The following INPP4B variants were observed in gnomAD, a reference collection of about 807,000 sequenced individuals.
INPP4B encodes the protein inositol polyphosphate-4-phosphatase type II B.
A neutral mutation model predicts 122.5 loss-of-function variants in INPP4B; 55 were observed. The observed-to-expected ratio is 0.45, with a 90% confidence interval of 0.36 to 0.56. The LOEUF is 0.56. INPP4B is among the 20% of genes least tolerant of loss of function. The pLI, the probability that INPP4B is intolerant of heterozygous loss-of-function variation, is 0.00. For missense variants in INPP4B, 1,000 were observed against 1,097.7 expected (o/e 0.91, Z 1.26); for synonymous variants, 403 against 388.7 (o/e 1.04, Z -0.43).
intron 2 of INPP4B, among the ~76,000 whole-genome samples, chr4:142,625,559 A>C (rs1746157944): frequency 6.6e-6 from 1 of 152,104 alleles, no homozygotes; most frequent in Admixed American, 6.6e-5. Context: ...CATACTGCCC[A>C]AGGTAATTTA....
At chr4:142,090,099 A>T (rs907631033) in intron 23 of INPP4B, among the ~76,000 whole-genome samples, 8 of 152,160 alleles carry the variant, frequency 5.3e-5, no homozygotes, top group Non-Finnish European at 1.2e-4. Context: ...ATTTTGTTTC[A>T]TTATAGACAT....
chr4:142,317,457 A>T (rs1768159255), intron 7 of INPP4B: 8 of 292,928 alleles, frequency 2.7e-5, no homozygotes. Flanking sequence ...ATACGAAGGG[A>T]TATGTAAATC....
At chr4:142,809,979 G>A (rs1779302057) in intron 1 of INPP4B, among the ~76,000 whole-genome samples, 1 of 151,994 alleles carries the variant, frequency 6.6e-6, no homozygotes, top group Non-Finnish European at 1.5e-5. Flanking sequence ...ACACCAGCCT[G>A]GCCATCATCT....
chr4:142,830,358 T>TG (rs1348755979), intron 1 of INPP4B, among the ~76,000 whole-genome samples: 1 of 152,132 alleles, frequency 6.6e-6, no homozygotes, highest in Non-Finnish European at 1.5e-5. Flanking sequence ...TCTCTCTCTT[T>TG]TAGTGACCTT....
chr4:142,423,346 G>T (rs1807337826), intron 5 of INPP4B, among the ~76,000 whole-genome samples: 1 of 152,086 alleles, frequency 6.6e-6, no homozygotes, highest in South Asian at 2.1e-4. Context: ...TGTGCAGATT[G>T]TCAGTTGGGG....
At chr4:142,701,935 A>G (rs1761835084) in intron 2 of INPP4B, among the ~76,000 whole-genome samples, 8 of 152,238 alleles carry the variant, frequency 5.3e-5, no homozygotes, top group Admixed American at 5.2e-4. Context: ...TACTAGTACT[A>G]AAAATGTACT....
intron 1 of INPP4B, among the ~76,000 whole-genome samples, chr4:142,766,338 T>C (rs2150986322): frequency 6.6e-6 from 1 of 152,178 alleles, no homozygotes; most frequent in East Asian, 1.9e-4. Context: ...ATTAAATAAT[T>C]CGTTTATGGT....
chr4:142,376,057 A>G (rs1001112289), intron 7 of INPP4B, among the ~76,000 whole-genome samples: 3 of 152,044 alleles, frequency 2.0e-5, no homozygotes, highest in Non-Finnish European at 2.9e-5. Context: ...TGAAAATCAA[A>G]TTGATATAAA....
intron 1 of INPP4B, among the ~76,000 whole-genome samples, chr4:142,764,218 T>G (rs1464784247): frequency 6.6e-6 from 1 of 152,150 alleles, no homozygotes; most frequent in Non-Finnish European, 1.5e-5. Context: ...AATCTGTACT[T>G]CGTAAGTAAA....
At chr4:142,126,808 A>G (rs1798822035) in intron 18 of INPP4B, among the ~76,000 whole-genome samples, 1 of 152,156 alleles carries the variant, frequency 6.6e-6, no homozygotes, top group African/African-American at 2.4e-5. Context: ...GAGATACATC[A>G]ATAGATACCA....
chr4:142,529,745 C>T (rs76782784), intron 2 of INPP4B, among the ~76,000 whole-genome samples: 2,891 of 151,914 alleles, frequency 0.019, 45 homozygotes, highest in Middle Eastern at 0.048. Context: ...ATTTTTTTGA[C>T]CAGATAACCC....
chr4:142,599,286 T>C (rs1029489022), intron 2 of INPP4B, among the ~76,000 whole-genome samples: 18 of 152,116 alleles, frequency 1.2e-4, no homozygotes, highest in African/African-American at 4.3e-4. Flanking sequence ...CCATCCAATA[T>C]TAGCCCACTG....
At chr4:142,330,775 T>G (rs575092285) in intron 7 of INPP4B, among the ~76,000 whole-genome samples, 1 of 152,316 alleles carries the variant, frequency 6.6e-6, no homozygotes, top group African/African-American at 2.4e-5. Context: ...TCATTTATAA[T>G]GTATGTTTTG....
intron 18 of INPP4B, among the ~76,000 whole-genome samples, chr4:142,131,586 T>A (rs191651685): frequency 6.6e-6 from 1 of 152,346 alleles, no homozygotes; most frequent in East Asian, 1.9e-4. Flanking sequence ...TAGATTTAAC[T>A]TATAAATGCT....
At chr4:142,088,693 A>C (rs1314414054) in intron 23 of INPP4B, among the ~76,000 whole-genome samples, 2 of 152,198 alleles carry the variant, frequency 1.3e-5, no homozygotes, top group Non-Finnish European at 2.9e-5. Flanking sequence ...TTAAATAATA[A>C]GATGATTTTA....
chr4:142,079,443 C>T (rs1304835780), intron 25 of INPP4B, among the ~76,000 whole-genome samples: 1 of 151,980 alleles, frequency 6.6e-6, no homozygotes, highest in East Asian at 1.9e-4. Flanking sequence ...TGCTTCCTCT[C>T]AAAAAACTCA....
chr4:142,481,539 C>T (rs1820542806), intron 2 of INPP4B, among the ~76,000 whole-genome samples: 1 of 151,904 alleles, frequency 6.6e-6, no homozygotes, highest in South Asian at 2.1e-4. Flanking sequence ...GATATAATTT[C>T]TCCTTTGTTA....
chr4:142,437,204 A>T (rs1165101688), intron 3 of INPP4B, among the ~76,000 whole-genome samples: 3 of 152,082 alleles, frequency 2.0e-5, no homozygotes, highest in African/African-American at 7.2e-5. Flanking sequence ...GGCAGACAAG[A>T]CTAGAGAAAA....
At chr4:142,798,460 T>TCC (rs1394000050) in intron 1 of INPP4B, among the ~76,000 whole-genome samples, 2 of 151,964 alleles carry the variant, frequency 1.3e-5, no homozygotes, top group African/African-American at 4.8e-5. Context: ...TTAATAATGT[T>TCC]CAAGTGAAGT....
Sources: gnomAD v4.1 joint callset for allele counts (sites outside exome capture counted in the v4.1 genomes callset) on GRCh38, gnomAD v4.1.1 for gene constraint, MANE v1.5 for transcripts, NCBI Gene and HGNC (gene_info 2026-07-23, HGNC 2026-07-21) for gene names.